Variants in PRUNE2 observed in about 807,000 individuals in gnomAD.
PRUNE2 encodes the protein protein prune homolog 2.
PRUNE2 carries 164 observed loss-of-function variants against 252.0 expected under a neutral mutation model. The observed-to-expected ratio is 0.65, with a 90% confidence interval of 0.57 to 0.74. The LOEUF (loss-of-function observed/expected upper bound fraction) is 0.74. Ranked by LOEUF, PRUNE2 falls within the 30% of genes least tolerant of loss-of-function variation. The pLI, the probability that PRUNE2 is intolerant of heterozygous loss-of-function variation, is 0.00. For missense variants in PRUNE2, 3,495 were observed against 3,711.0 expected, an observed-to-expected ratio of 0.94 and a Z score of 1.51; for synonymous variants, 1,292 against 1,350.2, an observed-to-expected ratio of 0.96 and a Z score of 0.94.
intron 4 of PRUNE2, among the ~76,000 whole-genome samples, chr9:76,837,403 T>C (rs965906501): frequency 9.3e-5 from 14 of 151,108 alleles, no homozygotes; most frequent in Non-Finnish European, 2.1e-4. Context: ...GATTGTGCCA[T>C]TGCACTCCGG....
At chr9:76,767,456 A>T (rs528284157) in intron 6 of PRUNE2, among the ~76,000 whole-genome samples, 1 of 151,866 alleles carries the variant, frequency 6.6e-6, no homozygotes, top group East Asian at 1.9e-4. Flanking sequence ...TGTCTCAAAA[A>T]AAAAAAGAAA....
chr9:76,671,776 C>G (rs1383621138), intron 9 of PRUNE2, among the ~76,000 whole-genome samples: 1 of 149,358 alleles, frequency 6.7e-6, no homozygotes, highest in Non-Finnish European at 1.5e-5. Flanking sequence ...GAATTTTCAA[C>G]CCAGAATTTC....
intron 12 of PRUNE2, among the ~76,000 whole-genome samples, chr9:76,642,535 G>A (rs1843029160): frequency 1.3e-5 from 2 of 152,196 alleles, no homozygotes; most frequent in Admixed American, 6.5e-5. Flanking sequence ...AGAGCACTGT[G>A]TAGCTGGCAC....
In PRUNE2 at chr9:76,638,176, T is replaced by G; in HGVS notation, c.8831+10A>C. The G allele has an allele frequency of 6.4e-7, 1 of 1,572,502 alleles. No homozygotes were observed. The highest frequency in any genetic ancestry group is 8.8e-7 in the Non-Finnish European group (1 of 1,142,410). The stretch of plus-strand genomic sequence containing the variant: ...TTAACTCAAAGCACTTTGTCATAAG[T>G]ATCACTCACAGGAAAAGATTTTCCA... On this transcript the variant is annotated intron_variant, in intron 13 of 18. Transcript: ENST00000376718.
At position 76,708,087 on chromosome 9, in the gene PRUNE2, T is replaced by C. The variant is rs1482801928; in HGVS notation, c.4187A>G (p.Glu1396Gly). The change falls in exon 8 of 19, where the codon GAA becomes GGA. Residue 1396 changes from glutamate to glycine, a missense_variant. Glu to Gly is a moderately conservative substitution (Grantham distance 98). Coordinates refer to ENST00000376718, the MANE Select transcript of PRUNE2 (RefSeq NM_015225.3). ...CTCATACTCTAAAACTTCCTCTGGT[T>C]CCTCGGTTTGAGGACTGAAAGTGAC... ...LAVTFSPQTE[E>G]PEEVLEYEEG... is the part of the protein sequence containing the mutation. 1.2e-6 allele frequency: 2 copies of C among 1,613,986 alleles called. No individual in the cohort carries two copies. Among genetic ancestry groups the C allele is most frequent in the Admixed American group, 1.7e-5 (1 of 60,014 alleles).
intron 4 of PRUNE2, among the ~76,000 whole-genome samples, chr9:76,836,149 G>A (rs2058951195): frequency 6.6e-6 from 1 of 151,850 alleles, no homozygotes; most frequent in Admixed American, 6.6e-5. Flanking sequence ...TCCCCAATGT[G>A]ATGATTCAGC....
At chr9:76,881,053 C>T (rs191046201) in intron 1 of PRUNE2, among the ~76,000 whole-genome samples, 10 of 151,972 alleles carry the variant, frequency 6.6e-5, no homozygotes, top group East Asian at 3.9e-4. Context: ...CTCCACCTCC[C>T]TCCCCCTGGG....
At chr9:76,788,890 G>C (rs949138204) in intron 6 of PRUNE2, among the ~76,000 whole-genome samples, 1 of 152,200 alleles carries the variant, frequency 6.6e-6, no homozygotes, top group South Asian at 2.1e-4. Flanking sequence ...GAAAGGGTAT[G>C]TATATAAGCT....
chr9:76,687,705 C>A, intron 9 of PRUNE2: 1 of 307,314 alleles, frequency 3.3e-6, no homozygotes, highest in Non-Finnish European at 6.8e-6. Context: ...AAAGTGTTAG[C>A]CTCGGGGGAG....
chr9:76,815,519 G>A (rs7035121), intron 6 of PRUNE2, among the ~76,000 whole-genome samples: 90,359 of 151,994 alleles, frequency 0.59, 27,884 homozygotes, highest in African/African-American at 0.77. Context: ...AGGCACTCAT[G>A]CATTCATGAG....
rs2046676649 is a variant in PRUNE2 at position 76,710,880 on chromosome 9, C to T, written c.1394G>A (p.Gly465Glu). 6 of 1,542,700 alleles carry T rather than the reference C, an allele frequency of 3.9e-6. No homozygotes were observed. In the East Asian group the frequency reaches 1.4e-4, roughly 35 times the overall value. The change falls in exon 8 of 19, where the codon GGG becomes GAG. Residue 465 changes from glycine (G) to glutamate (E), a missense_variant. Physicochemically the swap from Gly to Glu is moderately conservative, Grantham distance 98 (BLOSUM62 -2). Coordinates refer to ENST00000376718, the MANE Select transcript of PRUNE2 (RefSeq NM_015225.3). ...GAGPHHTLLP[G>E]LDSYSPIPEG... ...AGGGATGGGGCTGTAGGAGTCAAGC[C>T]CTGGGAGAAGGGTGTGGTGAGGCCC...
intron 1 of PRUNE2, among the ~76,000 whole-genome samples, chr9:76,879,895 A>G (rs1241756198): frequency 2.4e-5 from 2 of 81,906 alleles, no homozygotes; most frequent in South Asian, 8.8e-4. Context: ...ATATATATAT[A>G]TATATATATT....
chr9:76,653,373 T>C (rs1460889228), intron 10 of PRUNE2, among the ~76,000 whole-genome samples: 1 of 152,186 alleles, frequency 6.6e-6, no homozygotes, highest in Non-Finnish European at 1.5e-5. Flanking sequence ...TGTTGACATA[T>C]AACCCATGCA....
chr9:76,647,758 A>C (rs1041737450), intron 11 of PRUNE2, among the ~76,000 whole-genome samples: 1 of 152,140 alleles, frequency 6.6e-6, no homozygotes, highest in African/African-American at 2.4e-5. Flanking sequence ...AGGTCAGGAG[A>C]TCAAGACCAT....
chr9:76,656,874 C>G (rs1181685375), intron 9 of PRUNE2, among the ~76,000 whole-genome samples: 4 of 152,176 alleles, frequency 2.6e-5, no homozygotes, highest in Admixed American at 2.6e-4. Flanking sequence ...TGTGTGTTCT[C>G]TAAAACTAGA....
intron 1 of PRUNE2, among the ~76,000 whole-genome samples, chr9:76,854,751 A>C (rs2060147495): frequency 6.6e-6 from 1 of 152,070 alleles, no homozygotes; most frequent in African/African-American, 2.4e-5. Context: ...CAGAAAATAA[A>C]AATTAATTGT....
At position 76,826,656 on chromosome 9, in the gene PRUNE2, C is replaced by A; in HGVS notation, c.585G>T (p.Leu195=). The change falls in exon 5 of 19, where the codon CTG becomes CTT. Residue 195 remains leucine, a synonymous_variant. Transcript: ENST00000376718. ...GAGGCAAGTTAGGAAATTTTTCTTC[C>A]AGGATAGAAAGAATTTCCTCCTGCT... The part of the protein sequence containing the change: ...SEKQEEILSI[L]EEKFPNLPPR... 6.2e-7 allele frequency: 1 copy of A among 1,612,386 alleles called. No homozygotes were observed. The highest frequency in any genetic ancestry group is 2.2e-5 in the East Asian group (1 of 44,806).
intron 9 of PRUNE2, among the ~76,000 whole-genome samples, chr9:76,684,394 G>T (rs1157133617): frequency 1.3e-5 from 2 of 152,148 alleles, no homozygotes; most frequent in Admixed American, 1.3e-4. Context: ...GCAGGGAGAG[G>T]AGGAGGAGTC....
At chr9:76,685,980 C>G (rs2044040332) in intron 9 of PRUNE2, among the ~76,000 whole-genome samples, 1 of 152,172 alleles carries the variant, frequency 6.6e-6, no homozygotes, top group African/African-American at 2.4e-5. Context: ...AGAGGTCATC[C>G]CGCTTACTTA....
Sources: allele counts gnomAD v4.1 joint callset (sites outside exome capture counted in the v4.1 genomes callset), GRCh38; gene constraint gnomAD v4.1.1; transcripts MANE v1.5; gene names NCBI Gene and HGNC (gene_info 2026-07-23, HGNC 2026-07-21).